The following TAS2R1 variants were observed in gnomAD, a reference collection of about 807,000 sequenced individuals.
TAS2R1 encodes taste 2 receptor member 1.
For missense variants in TAS2R1, 370 were observed against 353.4 expected (o/e 1.05, Z -0.38); for synonymous variants, 141 against 134.2 (o/e 1.05, Z -0.35).
the TAS2R1 span, among the ~76,000 whole-genome samples, chr5:9,726,690 G>A: frequency 6.6e-6 from 1 of 152,176 alleles, no homozygotes; most frequent in Non-Finnish European, 1.5e-5. Flanking sequence ...AATAGTTACC[G>A]CGAGGGTCCG....
At chr5:9,688,830 C>G (rs1001506071) in intron 1 of TAS2R1, among the ~76,000 whole-genome samples, 2 of 152,088 alleles carry the variant, frequency 1.3e-5, no homozygotes, top group Admixed American at 1.3e-4. Context: ...TTTGTAAAAG[C>G]GACTGTCTGC....
At chr5:9,811,069 G>A in the TAS2R1 span, among the ~76,000 whole-genome samples, 7 of 152,156 alleles carry the variant, frequency 4.6e-5, no homozygotes, top group African/African-American at 1.7e-4. Context: ...CCAAGGTGGT[G>A]TTATCAGAAG....
the TAS2R1 span, among the ~76,000 whole-genome samples, chr5:9,772,924 T>C: frequency 2.6e-5 from 4 of 152,108 alleles, no homozygotes; most frequent in Admixed American, 6.5e-5. Context: ...AGTAGGGCAT[T>C]GGGTATTGTG....
chr5:9,874,674 G>A, the TAS2R1 span, among the ~76,000 whole-genome samples: 25 of 152,218 alleles, frequency 1.6e-4, no homozygotes, highest in African/African-American at 2.9e-4. Flanking sequence ...GAATCCCCGC[G>A]CTACAGGTCT....
the TAS2R1 span, among the ~76,000 whole-genome samples, chr5:9,843,343 T>C: frequency 6.6e-6 from 1 of 152,150 alleles, no homozygotes; most frequent in African/African-American, 2.4e-5. Flanking sequence ...CATGCCCTTA[T>C]CCTTTATAAC....
the TAS2R1 span, among the ~76,000 whole-genome samples, chr5:9,766,480 G>A: frequency 6.6e-6 from 1 of 152,220 alleles, no homozygotes; most frequent in Non-Finnish European, 1.5e-5. Context: ...TGGTGAAGCA[G>A]GATTTTCTAC....
intron 1 of TAS2R1, among the ~76,000 whole-genome samples, chr5:9,687,465 T>A (rs1308888517): frequency 1.3e-5 from 2 of 152,148 alleles, no homozygotes; most frequent in African/African-American, 4.8e-5. Context: ...AATATGGGGT[T>A]TTGACACATG....
At chr5:9,721,530 T>C in the TAS2R1 span, among the ~76,000 whole-genome samples, 2 of 152,230 alleles carry the variant, frequency 1.3e-5, no homozygotes, top group East Asian at 1.9e-4. Context: ...TAGAACCTTT[T>C]AAAGGTGTTA....
At chr5:9,886,582 C>T in the TAS2R1 span, among the ~76,000 whole-genome samples, 1 of 152,056 alleles carries the variant, frequency 6.6e-6, no homozygotes, top group Non-Finnish European at 1.5e-5. Flanking sequence ...GATCCGCCCA[C>T]CTCGGCCTCT....
At chr5:9,894,708 A>G in the TAS2R1 span, among the ~76,000 whole-genome samples, 1 of 152,256 alleles carries the variant, frequency 6.6e-6, no homozygotes, top group Admixed American at 6.5e-5. Context: ...ATGCTAAGGA[A>G]GGCTATAAAC....
At chr5:9,664,676 T>G (rs1740597849) in intron 1 of TAS2R1, among the ~76,000 whole-genome samples, 1 of 152,136 alleles carries the variant, frequency 6.6e-6, no homozygotes, top group Non-Finnish European at 1.5e-5. Context: ...CTCAATTCTT[T>G]ACTGATTGAA....
At chr5:9,648,833 G>C (rs1323068829) in intron 2 of TAS2R1, among the ~76,000 whole-genome samples, 1 of 152,102 alleles carries the variant, frequency 6.6e-6, no homozygotes, top group Non-Finnish European at 1.5e-5. Flanking sequence ...GGCTCATGAA[G>C]AGGAAGAAGG....
At chr5:9,637,779 G>GTTAGTGT (rs1445011742) in intron 2 of TAS2R1, among the ~76,000 whole-genome samples, 1 of 151,922 alleles carries the variant, frequency 6.6e-6, no homozygotes, top group African/African-American at 2.4e-5. Flanking sequence ...TCCAGAATTT[G>GTTAGTGT]TTAGTGTTTT....
chr5:9,695,244 G>T (rs1482440929), intron 1 of TAS2R1, among the ~76,000 whole-genome samples: 2 of 152,106 alleles, frequency 1.3e-5, no homozygotes, highest in African/African-American at 2.4e-5. Flanking sequence ...TGTAGTTTTA[G>T]TTGTCATCTT....
chr5:9,654,896 C>A (rs1740378752), intron 2 of TAS2R1, among the ~76,000 whole-genome samples: 1 of 152,178 alleles, frequency 6.6e-6, no homozygotes, highest in South Asian at 2.1e-4. Context: ...AGCAATTCTA[C>A]TCCTGTTATT....
At chr5:9,777,870 G>A in the TAS2R1 span, among the ~76,000 whole-genome samples, 3 of 147,004 alleles carry the variant, frequency 2.0e-5, 1 homozygote, top group South Asian at 6.6e-4. Flanking sequence ...CTTTTGGGAG[G>A]CCAGGTGTTT....
the TAS2R1 span, among the ~76,000 whole-genome samples, chr5:9,811,622 G>T: frequency 6.6e-6 from 1 of 152,064 alleles, no homozygotes; most frequent in African/African-American, 2.4e-5. Flanking sequence ...TCGGAACTCT[G>T]TCCTTTTTTC....
chr5:9,826,327 TTAAAA>T, the TAS2R1 span, among the ~76,000 whole-genome samples: 3 of 152,174 alleles, frequency 2.0e-5, no homozygotes, highest in African/African-American at 4.8e-5. Context: ...TTAATGTCAC[TTAAAA>T]TAAATCTTTT....
the TAS2R1 span, among the ~76,000 whole-genome samples, chr5:9,820,251 G>T: frequency 1.3e-5 from 2 of 152,078 alleles, no homozygotes; most frequent in South Asian, 4.2e-4. Context: ...CTCTATTCCA[G>T]ACTGCCATAG....
Sources: gnomAD v4.1 joint callset for allele counts (sites outside exome capture counted in the v4.1 genomes callset) on GRCh38, gnomAD v4.1.1 for gene constraint, MANE v1.5 for transcripts, NCBI Gene and HGNC (gene_info 2026-07-23, HGNC 2026-07-21) for gene names.